The following CSGALNACT1 variants were observed in gnomAD, a reference collection of about 807,000 sequenced individuals.
CSGALNACT1 encodes beta4GalNAcT-1.
In CSGALNACT1, 52 loss-of-function variants were observed where a neutral mutation model predicts 51.0. The ratio of observed to expected loss-of-function variants is 1.02; its 90% confidence interval spans 0.82 to 1.29. CSGALNACT1 has a LOEUF of 1.29. CSGALNACT1 is among the 50% of genes most tolerant of loss of function. The pLI, the probability that CSGALNACT1 is intolerant of heterozygous loss-of-function variation, is 0.00. For synonymous variants in CSGALNACT1, 341 were observed against 254.4 expected (o/e 1.34, Z -3.24); for missense variants, 935 against 679.2 (o/e 1.38, Z -4.19).
At chr8:19,525,612 T>TC (rs1432620246) in intron 3 of CSGALNACT1, among the ~76,000 whole-genome samples, 82 of 48,830 alleles carry the variant, frequency 1.7e-3, no homozygotes, top group African/African-American at 8.6e-3. Context: ...GGGAAACTTG[T>TC]CCCAAAAAAA....
At chr8:19,484,945 G>T (rs527437369) in intron 4 of CSGALNACT1, among the ~76,000 whole-genome samples, 3 of 152,166 alleles carry the variant, frequency 2.0e-5, no homozygotes, top group African/African-American at 7.2e-5. Flanking sequence ...AGAGGGGGTG[G>T]TCCTATGCAA....
Position 19,513,320 on chromosome 8 carries a change from G to A in CSGALNACT1, c.-296-7190C>T, listed in dbSNP as rs111860964. On this transcript the variant is annotated intron_variant, in intron 3 of 9. Coordinates refer to ENST00000454498, the Ensembl canonical transcript of CSGALNACT1. ...AAAGGAAAATACCGCAAAATGTAAC[G>A]GAAGACACACGAAAGCCACTATAAT... Among the ~76,000 whole-genome samples, 1,329 of 150,884 alleles carry A rather than the reference G, an allele frequency of 8.8e-3. 20 individuals carry two copies. The highest frequency in any genetic ancestry group is 0.03 in the African/African-American group (1,227 of 41,222).
intron 1 of CSGALNACT1, among the ~76,000 whole-genome samples, chr8:19,668,369 A>G (rs980702500): frequency 9.2e-5 from 14 of 151,462 alleles, no homozygotes; most frequent in African/African-American, 3.4e-4. Flanking sequence ...CAACTTTATC[A>G]AAAAAGGCAA....
intron 1 of CSGALNACT1, among the ~76,000 whole-genome samples, chr8:19,735,087 A>C (rs1301223855): frequency 6.6e-6 from 1 of 152,162 alleles, no homozygotes; most frequent in Non-Finnish European, 1.5e-5. Flanking sequence ...AAGAGATCCC[A>C]TGCACAGAAC....
chr8:19,464,955 G>A lies in CSGALNACT1; in HGVS notation c.635-6313C>T, dbSNP rs147889329. ...GTACTTCCTCACAAAGTTAAACATA[G>A]AAATACCATATGATTCAGCAATTCT... is the stretch of plus-strand genomic sequence containing the variant. On this transcript the variant is annotated intron_variant, in intron 4 of 9. Transcript: ENST00000454498. 3.5e-3 allele frequency among the ~76,000 whole-genome samples: 527 copies of A among 152,224 alleles called. 3 individuals carry two copies. Among genetic ancestry groups the A allele is most frequent in the African/African-American group, 0.012 (506 of 41,530 alleles).
At chr8:19,447,436 C>G (rs1379797169) in intron 5 of CSGALNACT1, among the ~76,000 whole-genome samples, 2 of 152,212 alleles carry the variant, frequency 1.3e-5, no homozygotes, top group Non-Finnish European at 2.9e-5. Context: ...GGACTGGTGA[C>G]AGGCTGATCT....
At chr8:19,589,253 G>A (rs1001733197) in intron 3 of CSGALNACT1, among the ~76,000 whole-genome samples, 24 of 152,182 alleles carry the variant, frequency 1.6e-4, no homozygotes, top group African/African-American at 5.5e-4. Flanking sequence ...ACTAGGTAAA[G>A]CAGGCAGCTT....
At chr8:19,697,656 C>T (rs1335660904) in intron 1 of CSGALNACT1, among the ~76,000 whole-genome samples, 2 of 152,152 alleles carry the variant, frequency 1.3e-5, no homozygotes, top group African/African-American at 4.8e-5. Flanking sequence ...AAGCTCCATG[C>T]TATGGGTCCA....
intron 1 of CSGALNACT1, among the ~76,000 whole-genome samples, chr8:19,700,156 C>T (rs2061785435): frequency 6.6e-6 from 1 of 150,478 alleles, no homozygotes; most frequent in African/African-American, 2.4e-5. Flanking sequence ...AGTATTATTT[C>T]CCATTTTAAA....
chr8:19,633,753 C>A (rs181174072), intron 1 of CSGALNACT1, among the ~76,000 whole-genome samples: 19 of 152,292 alleles, frequency 1.2e-4, no homozygotes, highest in Admixed American at 1.2e-3. Context: ...TGTTTTAAAC[C>A]ATCTAGCTTG....
intron 1 of CSGALNACT1, among the ~76,000 whole-genome samples, chr8:19,667,040 G>GAAGAAAGAAAGAAAGAAAGA (rs1177939899): frequency 1.1e-4 from 4 of 34,970 alleles, no homozygotes; most frequent in East Asian, 9.0e-4. Context: ...AGGAAGGAAG[G>GAAGAAAGAAAGAAAGAAAGA]AAGAAAGAAA....
chr8:19,601,970 A>G (rs2050530182), intron 1 of CSGALNACT1, 105 bp from the exon 2 acceptor site: 1 of 423,154 alleles, frequency 2.4e-6, no homozygotes, highest in African/African-American at 2.1e-5. Context: ...TATATAAAAT[A>G]CAATGCATCT....
intron 1 of CSGALNACT1, among the ~76,000 whole-genome samples, chr8:19,666,835 A>G (rs866317280): frequency 0.11 from 3,456 of 30,210 alleles, 214 homozygotes; most frequent in East Asian, 0.13. Flanking sequence ...GAGAGAGAGA[A>G]AGAAAGAAAG....
At chr8:19,487,509 A>G (rs2073254051) in intron 4 of CSGALNACT1, among the ~76,000 whole-genome samples, 1 of 152,162 alleles carries the variant, frequency 6.6e-6, no homozygotes, top group Non-Finnish European at 1.5e-5. Context: ...ACAAACTAGA[A>G]TCTAATCGCT....
exon 6 of CSGALNACT1, chr8:19,439,891 C>T (rs777811876): frequency 1.9e-6 from 3 of 1,614,198 alleles, no homozygotes; most frequent in Non-Finnish European, 2.5e-6. Flanking sequence ...AAGTAAACAA[C>T]AGTGAGATGG....
chr8:19,457,404 G>C, intron 5 of CSGALNACT1: 2 of 355,198 alleles, frequency 5.6e-6, no homozygotes, highest in South Asian at 4.3e-5. Flanking sequence ...CCTGAGATCA[G>C]GAGTTCAAGA....
chr8:19,443,862 G>A (rs991989726), intron 5 of CSGALNACT1, among the ~76,000 whole-genome samples: 3 of 152,124 alleles, frequency 2.0e-5, no homozygotes, highest in Admixed American at 1.3e-4. Context: ...TTTCATGGAA[G>A]ACAATTTTTC....
intron 1 of CSGALNACT1, among the ~76,000 whole-genome samples, chr8:19,626,065 G>C (rs549560862): frequency 1.2e-3 from 180 of 152,136 alleles, no homozygotes; most frequent in African/African-American, 3.6e-3. Context: ...GATATACACA[G>C]GCTTCTTCTA....
intron 3 of CSGALNACT1, among the ~76,000 whole-genome samples, chr8:19,527,888 G>A (rs930290960): frequency 6.6e-6 from 1 of 152,198 alleles, no homozygotes; most frequent in Non-Finnish European, 1.5e-5. Context: ...CTGTACGCCA[G>A]AGAGGTAGAT....
Sources: allele counts gnomAD v4.1 joint callset (sites outside exome capture counted in the v4.1 genomes callset), GRCh38; gene constraint gnomAD v4.1.1; transcripts MANE v1.5; gene names NCBI Gene and HGNC (gene_info 2026-07-23, HGNC 2026-07-21).